Variants in LAMA2 observed in about 807,000 individuals in gnomAD.
LAMA2 encodes the protein laminin subunit alpha 2.
LAMA2 carries 269 observed loss-of-function variants against 364.8 expected under a neutral mutation model. That is an observed-to-expected ratio of 0.74 (90% confidence interval 0.67 to 0.82). The LOEUF (loss-of-function observed/expected upper bound fraction) is 0.82. LAMA2 is among the 40% of genes least tolerant of loss of function. LAMA2 has a pLI of 0.00. For missense variants in LAMA2, 3,807 were observed against 3,873.2 expected, an observed-to-expected ratio of 0.98 and a Z score of 0.45; for synonymous variants, 1,379 against 1,370.6, an observed-to-expected ratio of 1.01 and a Z score of -0.14.
At chr6:129,342,752 A>G (rs888586437) in intron 30 of LAMA2, among the ~76,000 whole-genome samples, 14 of 152,178 alleles carry the variant, frequency 9.2e-5, no homozygotes, top group Admixed American at 7.2e-4. Flanking sequence ...ATATACAAAT[A>G]TGCATGGTTT....
At chr6:129,048,540 C>CCTTCCTTCCTTCCTTCCTTT (rs1562188047) in intron 1 of LAMA2, among the ~76,000 whole-genome samples, 8 of 53,984 alleles carry the variant, frequency 1.5e-4, no homozygotes, top group African/African-American at 4.2e-4. Flanking sequence ...TTCCTTCCTT[C>CCTTCCTTCCTTCCTTCCTTT]CTTTCTTTCT....
At chr6:128,973,239 A>G (rs571786847) in intron 1 of LAMA2, among the ~76,000 whole-genome samples, 1 of 152,354 alleles carries the variant, frequency 6.6e-6, no homozygotes, top group African/African-American at 2.4e-5. Flanking sequence ...CCAGGACATT[A>G]GAGCTCATTT....
Position 129,393,273 on chromosome 6 carries a change from T to C in LAMA2, c.5445+18T>C. On this transcript the variant is annotated intron_variant, in intron 37 of 64. Coordinates refer to ENST00000421865, the MANE Select transcript of LAMA2 (RefSeq NM_000426.4). The stretch of plus-strand genomic sequence containing the variant: ...CATTGGAGGTGAGTCTTAGGGGCAC[T>C]TTTATCTTAATCTCAGAAGGTTGGG... The C allele has an allele frequency of 6.3e-7, 1 of 1,583,788 alleles. No individual in the cohort carries two copies. The highest frequency in any genetic ancestry group is 8.7e-7 in the Non-Finnish European group (1 of 1,152,468).
intron 31 of LAMA2, among the ~76,000 whole-genome samples, chr6:129,352,280 C>T (rs559687872): frequency 3.9e-5 from 6 of 152,254 alleles, no homozygotes; most frequent in South Asian, 4.1e-4. Context: ...TGTCATAACA[C>T]GGAGTGAAAT....
chr6:129,206,134 A>G (rs1271039396), intron 12 of LAMA2, among the ~76,000 whole-genome samples: 28 of 129,918 alleles, frequency 2.2e-4, no homozygotes, highest in East Asian at 1.5e-3. Context: ...GGAAGGAAGG[A>G]AGGAAGGAAG....
intron 20 of LAMA2, chr6:129,292,816 G>A (rs553875992): frequency 4.1e-6 from 4 of 985,712 alleles, no homozygotes; most frequent in South Asian, 4.7e-5. Flanking sequence ...AATATGTGGC[G>A]GGATCCAGAG....
chr6:129,364,194 T>C (rs1014549506), intron 32 of LAMA2, among the ~76,000 whole-genome samples: 1 of 152,322 alleles, frequency 6.6e-6, no homozygotes, highest in South Asian at 2.1e-4. Flanking sequence ...AGTGATATTG[T>C]AACTCACCTC....
At chr6:129,429,267 C>CT (rs1245828628) in intron 41 of LAMA2, among the ~76,000 whole-genome samples, 1 of 152,110 alleles carries the variant, frequency 6.6e-6, no homozygotes, top group East Asian at 1.9e-4. Context: ...ATTTTTAAAA[C>CT]TTTTTTATTG....
chr6:129,264,976 A>C (rs996889145), intron 15 of LAMA2, among the ~76,000 whole-genome samples: 1 of 152,162 alleles, frequency 6.6e-6, no homozygotes, highest in Non-Finnish European at 1.5e-5. Context: ...ATATGAGGCT[A>C]AGAGGACAGT....
intron 4 of LAMA2, among the ~76,000 whole-genome samples, chr6:129,111,547 T>C (rs1776157807): frequency 6.6e-6 from 1 of 152,004 alleles, no homozygotes; most frequent in East Asian, 1.9e-4. Context: ...AATATTTGAC[T>C]ATTTTAGTCC....
rs2275214 is a variant in LAMA2, at chr6:129,481,157, G to A, written c.7573-106G>A. 14 of 853,354 alleles carry A rather than the reference G, an allele frequency of 1.6e-5. No homozygotes were observed. The African/African-American group carries it at 2.0e-4, about 12-fold the overall frequency. 52.9% of individuals were successfully genotyped at this position (853,354 alleles called of 1,614,324 possible). A position where few individuals can be genotyped will look rare whatever the true frequency, so the allele number is the denominator to read the frequency against. ...TTTTCCTGCTTTCTAAACCTATGAT[G>A]TATTTCATAATCACATTAATTGCAT... On this transcript the variant is annotated intron_variant, in intron 54 of 64. Coordinates refer to ENST00000421865, the MANE Select transcript of LAMA2 (RefSeq NM_000426.4).
At chr6:129,428,987 C>G (rs1781459997) in intron 41 of LAMA2, among the ~76,000 whole-genome samples, 1 of 152,158 alleles carries the variant, frequency 6.6e-6, no homozygotes, top group African/African-American at 2.4e-5. Flanking sequence ...CTACCCTTAC[C>G]TAAGTATTCA....
At chr6:128,977,859 T>G (rs1248225017) in intron 1 of LAMA2, among the ~76,000 whole-genome samples, 1 of 152,210 alleles carries the variant, frequency 6.6e-6, no homozygotes, top group East Asian at 1.9e-4. Context: ...CTTGTTTGCC[T>G]CAGAGTATGG....
chr6:129,380,460 A>T (rs9492317), intron 34 of LAMA2, among the ~76,000 whole-genome samples: 3,436 of 152,266 alleles, frequency 0.023, 130 homozygotes, highest in African/African-American at 0.079. Context: ...AGCTTACCTT[A>T]CAGTTGGAGA....
intron 45 of LAMA2, among the ~76,000 whole-genome samples, chr6:129,446,915 A>G (rs1782414431): frequency 6.6e-6 from 1 of 152,218 alleles, no homozygotes; most frequent in African/African-American, 2.4e-5. Flanking sequence ...AGATTAGTGA[A>G]GATGATGTTA....
At chr6:129,333,317 A>AT (rs1775767274) in intron 29 of LAMA2, among the ~76,000 whole-genome samples, 3 of 152,144 alleles carry the variant, frequency 2.0e-5, no homozygotes, top group Admixed American at 1.3e-4. Flanking sequence ...TTTATTACTG[A>AT]TTTTAATATG....
In LAMA2 at chr6:129,270,646, G is replaced by C; in HGVS notation, c.2345G>C (p.Gly782Ala). 6.2e-7 allele frequency: 1 copy of C among 1,612,974 alleles called. No individual in the cohort carries two copies. Among genetic ancestry groups the C allele is most frequent in the African/African-American group, 1.3e-5 (1 of 74,944 alleles). ...ECLNCKDHTG[G>A]PYCDKCLPGF... is the part of the protein sequence containing the mutation. Reference sequence around the variant, plus strand: ...CAGAACTGTAAGGATCACACAGGTGGCCCATATTGTGATAAATGTCTTCCT... The same window carrying C: ...CAGAACTGTAAGGATCACACAGGTGCCCCATATTGTGATAAATGTCTTCCT... Residue 782 changes from glycine (G) to alanine (A), a missense_variant, in exon 17 of 65, where the codon GGC becomes GCC. This residue lies in a region of LAMA2 where 3,333 missense variants were observed against 3,345.7 expected (regional missense o/e 1.00). Transcript: ENST00000421865.
intron 1 of LAMA2, among the ~76,000 whole-genome samples, chr6:129,017,565 A>T (rs1001409361): frequency 1.3e-5 from 2 of 152,022 alleles, no homozygotes; most frequent in African/African-American, 2.4e-5. Flanking sequence ...TATATATATA[A>T]AATGGTTTTT....
At chr6:128,982,411 G>A (rs148409087) in intron 1 of LAMA2, among the ~76,000 whole-genome samples, 1,572 of 152,010 alleles carry the variant, frequency 0.01, 30 homozygotes, top group African/African-American at 0.036. Context: ...CTTAACCTAC[G>A]ACTTCTGACA....
Sources: allele counts gnomAD v4.1 joint callset (sites outside exome capture counted in the v4.1 genomes callset), GRCh38; gene constraint gnomAD v4.1.1; regional missense constraint gnomAD v4.1.1; transcripts MANE v1.5; gene names NCBI Gene and HGNC (gene_info 2026-07-23, HGNC 2026-07-21).